The following C2CD2 variants were observed in gnomAD, a reference collection of about 807,000 sequenced individuals.
C2CD2 encodes the protein C2 domain-containing protein 2.
C2CD2 carries 43 observed loss-of-function variants against 74.3 expected under a neutral mutation model. The ratio of observed to expected loss-of-function variants is 0.58; its 90% CI spans 0.45 to 0.75. C2CD2 has a LOEUF of 0.75. C2CD2 is among the 30% of genes least tolerant of loss of function. The pLI is 0.00. For missense variants in C2CD2, 801 were observed against 916.3 expected, an observed-to-expected ratio of 0.87 and a Z score of 1.63; for synonymous variants, 422 against 390.7, an observed-to-expected ratio of 1.08 and a Z score of -0.94.
At chr21:41,912,715 T>A (rs887995217) in intron 6 of C2CD2, among the ~76,000 whole-genome samples, 3 of 152,118 alleles carry the variant, frequency 2.0e-5, no homozygotes, top group Non-Finnish European at 4.4e-5. Flanking sequence ...GGTCTCGAAC[T>A]CCTGACCTCG....
intron 1 of C2CD2, chr21:41,942,940 A>G (rs1289145442): frequency 2.0e-6 from 2 of 984,320 alleles, no homozygotes; most frequent in African/African-American, 3.5e-5. Context: ...GTGGCTCTGC[A>G]TGTTCCCCCA....
In C2CD2 at chr21:41,929,123, A is replaced by G. The variant is rs546054095; in HGVS notation, c.379-7038T>C. 6.6e-6 allele frequency among the ~76,000 whole-genome samples: 1 copy of G among 152,118 alleles called. No individual in the cohort carries two copies. The highest frequency in any genetic ancestry group is 1.9e-4 in the East Asian group (1 of 5,198). On this transcript the variant is annotated intron_variant, in intron 2 of 13. Transcript: ENST00000380486. This position sits in a 1 kb window ranked among gnomAD's most constrained non-coding sequence, Gnocchi z 4.6. ...AAAGTAAAAAAAAAAAAAAGTAATA[A>G]AAATGCAAAAAGATCACACTAATGG...
chr21:41,925,456 C>T (rs1341718284), intron 2 of C2CD2, among the ~76,000 whole-genome samples: 2 of 152,174 alleles, frequency 1.3e-5, no homozygotes, highest in Non-Finnish European at 2.9e-5. Context: ...TGCGTTCCAG[C>T]AGAAAGAAAC....
At chr21:41,901,190 T>C (rs2064891636) in intron 12 of C2CD2, 2 of 290,116 alleles carry the variant, frequency 6.9e-6, no homozygotes, top group Non-Finnish European at 1.3e-5. Flanking sequence ...CACTACAATG[T>C]TCATTTCTCT....
intron 13 of C2CD2, among the ~76,000 whole-genome samples, chr21:41,898,736 T>C (rs1474709160): frequency 6.6e-6 from 1 of 152,152 alleles, no homozygotes; most frequent in Non-Finnish European, 1.5e-5. Flanking sequence ...CTGCAGCCCA[T>C]CATTGTGTAC....
intron 5 of C2CD2, 94 bp downstream of exon 5, chr21:41,918,011 G>A: frequency 1.4e-6 from 2 of 1,453,936 alleles, no homozygotes; most frequent in African/African-American, 1.4e-5. Flanking sequence ...ATGGGAGGTG[G>A]AGGAACGCTG....
At position 41,898,905 on chromosome 21, in the gene C2CD2, A is replaced by G. The variant is rs926973031; in HGVS notation, c.1870+148T>C. On this transcript the variant is annotated intron_variant, in intron 13 of 13. Coordinates refer to ENST00000380486, the MANE Select transcript of C2CD2 (RefSeq NM_015500.2). Reference sequence around the variant, plus strand: ...CACCACGGGTTCAAACATTCAGCACAGGGCATTTCTGGAGGGGCAGGGGTG... The same window carrying G: ...CACCACGGGTTCAAACATTCAGCACGGGGCATTTCTGGAGGGGCAGGGGTG... 6 of 692,702 alleles carry G rather than the reference A, an allele frequency of 8.7e-6. 1 individual carries two copies. Among genetic ancestry groups the G allele is most frequent in the African/African-American group, 3.6e-5 (2 of 56,190 alleles). 42.9% of individuals were successfully genotyped at this position (692,702 alleles called of 1,614,324 possible).
In C2CD2 at chr21:41,907,182, G is replaced by A. The variant is rs779324833; in HGVS notation, c.1144-16C>T. On this transcript the variant is annotated splice_polypyrimidine_tract_variant and intron_variant, in intron 9 of 13. Transcript: ENST00000380486. ...TGTAAGAGAACTGCAGAGAAGACGCGTTACTTGTTTCTGGTTTTGTGGAAG... is the reference window on the plus strand; with the variant it reads ...TGTAAGAGAACTGCAGAGAAGACGCATTACTTGTTTCTGGTTTTGTGGAAG... 22 of 1,611,700 alleles carry A rather than the reference G, an allele frequency of 1.4e-5. No homozygotes were observed. The highest frequency in any genetic ancestry group is 1.7e-4 in the Middle Eastern group (1 of 6,056).
chr21:41,894,299 T>C (rs1052651150), intron 13 of C2CD2, among the ~76,000 whole-genome samples: 3 of 152,232 alleles, frequency 2.0e-5, no homozygotes, highest in African/African-American at 7.2e-5. Context: ...ACTGTTTTCC[T>C]ACCTATAGGA....
intron 2 of C2CD2, among the ~76,000 whole-genome samples, chr21:41,940,823 G>T (rs1189262881): frequency 6.6e-6 from 1 of 152,146 alleles, no homozygotes; most frequent in Non-Finnish European, 1.5e-5. Flanking sequence ...TGCAACTCTA[G>T]ACTGTAAGTT....
rs533342367 is a variant in C2CD2, at chr21:41,907,765, T to C, written c.1038A>G (p.Thr346=). The part of the protein sequence containing the change: ...RSSEGLLATA[T]VPLDLFKKQP... ...GCTTCTTAAATAAGTCCAGAGGAAC[T>C]GTCGCCGTCGCCAGCAGACCTGAAA... Residue 346 remains threonine (T), a synonymous_variant, in exon 9 of 14, where the codon ACA becomes ACG. Coordinates refer to ENST00000380486, the MANE Select transcript of C2CD2 (RefSeq NM_015500.2). The C allele has an allele frequency of 4.3e-6, 7 of 1,613,924 alleles. No individual in the cohort carries two copies. The East Asian group carries it at 1.3e-4, about 31-fold the overall frequency.
intron 2 of C2CD2, among the ~76,000 whole-genome samples, chr21:41,940,708 C>A (rs937253198): frequency 3.9e-5 from 6 of 152,224 alleles, no homozygotes; most frequent in Admixed American, 2.6e-4. Context: ...AAAATAGATT[C>A]TTTATATACA....
At chr21:41,918,316 A>G (rs2065115820) in intron 4 of C2CD2, 89 bp from the exon 5 acceptor site, 4 of 1,381,674 alleles carry the variant, frequency 2.9e-6, no homozygotes, top group South Asian at 1.3e-5. Flanking sequence ...AAAACCATGC[A>G]AAGTAGGAAG....
In C2CD2 at chr21:41,924,346, CA is replaced by C. The variant is rs2065186437; in HGVS notation, c.379-2262del. Among the ~76,000 whole-genome samples, 1 of 152,160 alleles carries C rather than the reference CA, an allele frequency of 6.6e-6. No homozygotes were observed. The highest frequency in any genetic ancestry group is 1.5e-5 in the Non-Finnish European group (1 of 68,038). On this transcript the variant is annotated intron_variant, in intron 2 of 13. Coordinates refer to ENST00000380486, the MANE Select transcript of C2CD2 (RefSeq NM_015500.2). This position sits in a 1 kb window ranked among gnomAD's most constrained non-coding sequence, Gnocchi z 4.4. ...GGGGTCAACATCCAATATCCACAAC[CA>C]AATACCTCAATGCCACAGAGCTAGA... is the stretch of plus-strand genomic sequence containing the variant.
At chr21:41,901,514 T>A (rs772903154) in intron 12 of C2CD2, 108 bp downstream of exon 12, 1 of 1,126,326 alleles carries the variant, frequency 8.9e-7, no homozygotes, top group South Asian at 1.2e-5. Flanking sequence ...TAAATGGAAC[T>A]CTCTGGACGT....
chr21:41,950,478 TG>T (rs2065441235), intron 1 of C2CD2, among the ~76,000 whole-genome samples: 1 of 152,218 alleles, frequency 6.6e-6, no homozygotes, highest in African/African-American at 2.4e-5. Context: ...GCTGCTGCAG[TG>T]GTCATCAGAG....
At position 41,942,130 on chromosome 21, in the gene C2CD2, T is replaced by C; in HGVS notation, c.378+17A>G. On this transcript the variant is annotated intron_variant, in intron 2 of 13. Transcript: ENST00000380486. ...CAAGTTCACCTCTTCCTGCAGGGAA[T>C]GGGCTCCTGGGCTCACCTTCTCCTC... 1 of 1,548,898 alleles carries C rather than the reference T, an allele frequency of 6.5e-7. No individual in the cohort carries two copies. Among genetic ancestry groups the C allele is most frequent in the Non-Finnish European group, 8.7e-7 (1 of 1,146,522 alleles).
intron 8 of C2CD2, 102 bp downstream of exon 8, chr21:41,909,357 G>A: frequency 1.3e-6 from 1 of 774,276 alleles, no homozygotes; most frequent in Non-Finnish European, 2.3e-6. Context: ...GGAGGGGTCA[G>A]CTTCCTCTGC....
At position 41,914,691 on chromosome 21, in the gene C2CD2, C is replaced by A. The variant is rs2065068479; in HGVS notation, c.751G>T (p.Glu251Ter). Reference sequence around the variant, plus strand: ...CTTGGAGGTTTAGGAGGACAGGATTCCTGAGCAGTAGATGCAGCACACTGT... The same window carrying A: ...CTTGGAGGTTTAGGAGGACAGGATTACTGAGCAGTAGATGCAGCACACTGT... ...NLQCAASTAQ[E>*]SCPPKPPRAH... Residue 251 changes from glutamate to a stop codon, truncating the protein, a stop_gained, in exon 6 of 14, where the codon GAA (glutamate) becomes TAA (stop). Coordinates refer to ENST00000380486, the MANE Select transcript of C2CD2 (RefSeq NM_015500.2). LOFTEE classifies it high-confidence loss of function. 6.2e-7 allele frequency: 1 copy of A among 1,613,562 alleles called. No homozygotes were observed. The highest frequency in any genetic ancestry group is 8.5e-7 in the Non-Finnish European group (1 of 1,179,682).
Sources: gnomAD v4.1 joint callset for allele counts (sites outside exome capture counted in the v4.1 genomes callset) on GRCh38, gnomAD v4.1.1 for gene constraint, Gnocchi (gnomAD v3.1) non-coding constraint, MANE v1.5 for transcripts, NCBI Gene and HGNC (gene_info 2026-07-23, HGNC 2026-07-21) for gene names.